PM20D2: variants seen among roughly 807,000 people sequenced by gnomAD.
PM20D2 encodes peptidase M20 domain containing 2, also known as xaa-Arg dipeptidase.
PM20D2 carries 33 observed loss-of-function variants against 42.9 expected under a neutral mutation model. The observed-to-expected ratio is 0.77, with a 90% CI of 0.58 to 1.03. The LOEUF (loss-of-function observed/expected upper bound fraction) is 1.03. PM20D2 is among the 50% of genes least tolerant of loss of function. PM20D2 has a pLI of 0.00. For missense variants in PM20D2, 548 were observed against 557.0 expected (o/e 0.98, Z 0.16); for synonymous variants, 250 against 228.2 (o/e 1.10, Z -0.86).
intron 4 of PM20D2, among the ~76,000 whole-genome samples, chr6:89,156,959 T>A (rs1771069705): frequency 6.6e-6 from 1 of 152,224 alleles, no homozygotes; most frequent in South Asian, 2.1e-4. Context: ...TATTCATTTA[T>A]AATTATAAAT....
At position 89,164,688 on chromosome 6, in the gene PM20D2, A is replaced by T. The variant is rs1299263016; in HGVS notation, c.*2425A>T. 6.6e-6 allele frequency: 1 copy of T among 152,556 alleles called. No homozygotes were observed. The highest frequency in any genetic ancestry group is 1.5e-5 in the Non-Finnish European group (1 of 68,006). The allele number at this position is 152,556 out of a possible 1,614,324, so 9.5% of individuals were successfully genotyped here. The stretch of plus-strand genomic sequence containing the variant: ...CACTAAAGCAGTATTAAACACAGGT[A>T]CAAGTTGGAAATTGTAGAAAACTGA... On this transcript the variant is annotated 3_prime_UTR_variant, in exon 7 of 7. Transcript: ENST00000275072.
chr6:89,114,899 C>A, the PM20D2 span, among the ~76,000 whole-genome samples: 1 of 151,326 alleles, frequency 6.6e-6, no homozygotes, highest in Non-Finnish European at 1.5e-5. Context: ...CGGGTTCAAG[C>A]GATTCTCCTG....
the PM20D2 span, chr6:89,105,701 A>C: frequency 2.3e-6 from 1 of 440,542 alleles, no homozygotes; most frequent in Non-Finnish European, 4.0e-6. Context: ...TTTCTCATGA[A>C]AACAAATGAC....
At chr6:89,111,033 G>A in the PM20D2 span, among the ~76,000 whole-genome samples, 1 of 152,076 alleles carries the variant, frequency 6.6e-6, no homozygotes, top group Non-Finnish European at 1.5e-5. Context: ...AATCACTTGA[G>A]CCCAGGAGTT....
At chr6:89,102,748 AATTT>A in the PM20D2 span, among the ~76,000 whole-genome samples, 5 of 151,724 alleles carry the variant, frequency 3.3e-5, no homozygotes, top group Admixed American at 2.0e-4. Context: ...ACATTTTAAT[AATTT>A]ATTTATTTAT....
At chr6:89,131,903 A>C in the PM20D2 span, among the ~76,000 whole-genome samples, 1 of 152,142 alleles carries the variant, frequency 6.6e-6, no homozygotes, top group African/African-American at 2.4e-5. Flanking sequence ...AGTTGGCCAG[A>C]AGCTGACTTT....
chr6:89,153,980 ATTTG>A (rs1406052037), intron 3 of PM20D2, among the ~76,000 whole-genome samples: 2 of 152,152 alleles, frequency 1.3e-5, no homozygotes, highest in African/African-American at 4.8e-5. Flanking sequence ...GAAGGCACAC[ATTTG>A]TTTAATTTAT....
intron 2 of PM20D2, among the ~76,000 whole-genome samples, 189 bp downstream of exon 2, chr6:89,149,602 C>A (rs1770758542): frequency 6.6e-6 from 1 of 152,136 alleles, no homozygotes; most frequent in South Asian, 2.1e-4. Flanking sequence ...TTATGGTGTT[C>A]ATAATTGGAG....
chr6:89,148,500 G>A (rs541567379), intron 1 of PM20D2: 8 of 965,652 alleles, frequency 8.3e-6, no homozygotes, highest in African/African-American at 7.0e-5. Context: ...TGTTTATTCT[G>A]TAAAGTTCTC....
At chr6:89,148,819 C>G (rs950311447) in intron 1 of PM20D2, among the ~76,000 whole-genome samples, 5 of 152,178 alleles carry the variant, frequency 3.3e-5, no homozygotes, top group Admixed American at 3.3e-4. Flanking sequence ...AGATCACCCA[C>G]CTACCTCACA....
chr6:89,128,657 T>G, the PM20D2 span, among the ~76,000 whole-genome samples: 1 of 152,178 alleles, frequency 6.6e-6, no homozygotes. Context: ...CCTCCCCTTT[T>G]GAAACCCTTA....
At chr6:89,119,099 G>T in the PM20D2 span, among the ~76,000 whole-genome samples, 1 of 152,196 alleles carries the variant, frequency 6.6e-6, no homozygotes, top group Non-Finnish European at 1.5e-5. Context: ...CCTCCCAGAG[G>T]CTGTGGAGGT....
rs529858563 is a variant in PM20D2, at chr6:89,161,003, C to G, written c.1049-780C>G. Among the ~76,000 whole-genome samples, 16 of 151,730 alleles carry G rather than the reference C, an allele frequency of 1.1e-4. No homozygotes were observed. In the South Asian group the frequency reaches 3.3e-3, roughly 32 times the overall value. The stretch of plus-strand genomic sequence containing the variant: ...ATGAAGATTGAAAAAAAAAAGACGG[C>G]AAATAGAGTAGATGCTGCTAGACCA... On this transcript the variant is annotated intron_variant, in intron 5 of 6. Transcript: ENST00000275072.
chr6:89,117,844 CTGA>C, the PM20D2 span: 1 of 1,560,108 alleles, frequency 6.4e-7, no homozygotes, highest in Non-Finnish European at 8.7e-7. Flanking sequence ...CGCGACGTTC[CTGA>C]TGAACAGGGA....
chr6:89,094,907 T>C, the PM20D2 span, among the ~76,000 whole-genome samples: 497 of 152,132 alleles, frequency 3.3e-3, 2 homozygotes, highest in Non-Finnish European at 5.2e-3. Context: ...TAAATGTGTA[T>C]AGAATTCAAA....
At chr6:89,159,805 A>G (rs538760889) in intron 5 of PM20D2, among the ~76,000 whole-genome samples, 38 of 152,300 alleles carry the variant, frequency 2.5e-4, no homozygotes, top group African/African-American at 7.5e-4. Flanking sequence ...TTGTCCAGGG[A>G]CATCAGAGTT....
At chr6:89,134,383 A>C in the PM20D2 span, among the ~76,000 whole-genome samples, 1 of 151,134 alleles carries the variant, frequency 6.6e-6, no homozygotes, top group African/African-American at 2.5e-5. Flanking sequence ...CAGGCCTTCC[A>C]AGAGGGTTTG....
the PM20D2 span, among the ~76,000 whole-genome samples, chr6:89,116,790 AC>A: frequency 5.4e-5 from 8 of 147,910 alleles, no homozygotes; most frequent in African/African-American, 1.7e-4. Context: ...AAAAAAAAAA[AC>A]TAAAAAATAA....
intron 1 of PM20D2, among the ~76,000 whole-genome samples, chr6:89,147,351 A>G (rs1355749347): frequency 1.3e-5 from 2 of 152,212 alleles, no homozygotes. Context: ...TCATTCAGTT[A>G]AGGGGAAAAC....
Sources: gnomAD v4.1 joint callset for allele counts (sites outside exome capture counted in the v4.1 genomes callset) on GRCh38, gnomAD v4.1.1 for gene constraint, MANE v1.5 for transcripts, NCBI Gene and HGNC (gene_info 2026-07-23, HGNC 2026-07-21) for gene names.